The following CEP192 variants were observed in gnomAD, a reference collection of about 807,000 sequenced individuals.
CEP192 encodes centrosomal protein 192, also known as centrosomal protein of 192 kDa.
CEP192 carries 151 observed loss-of-function variants against 271.8 expected under a neutral mutation model. That is an observed-to-expected ratio of 0.56 (90% confidence interval 0.49 to 0.64). CEP192 has a LOEUF of 0.64. CEP192 is among the 30% of genes least tolerant of loss of function. CEP192 has a pLI of 0.00. For synonymous variants in CEP192, 995 were observed against 1,076.5 expected, an observed-to-expected ratio of 0.92 and a Z score of 1.48; for missense variants, 2,910 against 3,020.5, an observed-to-expected ratio of 0.96 and a Z score of 0.86.
chr18:13,066,367 G>A (rs1396005707), intron 21 of CEP192, among the ~76,000 whole-genome samples: 3 of 152,008 alleles, frequency 2.0e-5, no homozygotes, highest in Non-Finnish European at 4.4e-5. Context: ...CTAGTTCTTG[G>A]GTTACTAACG....
chr18:13,000,570 C>T (rs2033578610), intron 2 of CEP192: 1 of 152,222 alleles, frequency 6.6e-6, no homozygotes, highest in South Asian at 2.1e-4. Context: ...TCTTTCTCTT[C>T]CAGCTTTCAA....
rs928041980 is a variant in CEP192 at position 13,028,849 on chromosome 18, G to A, written c.1051-814G>A. 1.1e-4 allele frequency among the ~76,000 whole-genome samples: 16 copies of A among 152,168 alleles called. No individual in the cohort carries two copies. The South Asian group carries it at 2.9e-3, about 28-fold the overall frequency. On this transcript the variant is annotated intron_variant, in intron 9 of 44. Transcript: ENST00000506447. The stretch of plus-strand genomic sequence containing the variant: ...TGTTTATTTTTATATAATAATGTTG[G>A]CAAAGCACCCAGTTAATAAATGGTG...
chr18:12,998,568 C>T (rs899667645), intron 1 of CEP192, among the ~76,000 whole-genome samples: 8 of 152,166 alleles, frequency 5.3e-5, no homozygotes, highest in African/African-American at 1.9e-4. Context: ...AAATTTAATT[C>T]TTTTCCTTCT....
At chr18:13,070,902 A>T (rs2037976430) in intron 27 of CEP192, 137 bp from the exon 28 acceptor site, 1 of 656,328 alleles carries the variant, frequency 1.5e-6, no homozygotes, top group Non-Finnish European at 2.6e-6. Flanking sequence ...TATTCTCTGC[A>T]GCACAAGCTC....
rs757215208 is a variant in CEP192, at chr18:13,068,898, A to G, written c.4869A>G (p.Glu1623=). ...AATTCTCGGCAAAAGTTGATATCGA[A>G]GTTGACAGCCCAAACCCTACGCCCG... ...AEEFSAKVDI[E]VDSPNPTPVL... Residue 1623 remains glutamate, a synonymous_variant, in exon 25 of 45, where the codon GAA becomes GAG. Coordinates refer to ENST00000506447, the MANE Select transcript of CEP192 (RefSeq NM_032142.4). 17 of 1,614,182 alleles carry G rather than the reference A, an allele frequency of 1.1e-5. No individual in the cohort carries two copies. The South Asian group carries it at 1.5e-4, about 15-fold the overall frequency.
intron 30 of CEP192, among the ~76,000 whole-genome samples, chr18:13,085,534 C>T (rs927500743): frequency 2.0e-5 from 3 of 152,124 alleles, no homozygotes; most frequent in East Asian, 1.9e-4. Flanking sequence ...TTATGTCTTA[C>T]GTTTAAGTCT....
intron 44 of CEP192, among the ~76,000 whole-genome samples, chr18:13,120,616 C>A (rs776442769): frequency 6.6e-6 from 1 of 152,156 alleles, no homozygotes; most frequent in Non-Finnish European, 1.5e-5. Flanking sequence ...ATATTTAAAT[C>A]TTTTAAAACT....
chr18:13,067,448 C>T (rs2037770721), intron 21 of CEP192, among the ~76,000 whole-genome samples: 1 of 152,142 alleles, frequency 6.6e-6, no homozygotes, highest in Non-Finnish European at 1.5e-5. Context: ...ACCATTTTAA[C>T]ATTTGCAGAT....
At chr18:13,106,503 A>G (rs926445258) in intron 40 of CEP192, among the ~76,000 whole-genome samples, 9 of 145,510 alleles carry the variant, frequency 6.2e-5, no homozygotes, top group Non-Finnish European at 1.3e-4. Flanking sequence ...TGCCATCACC[A>G]TTTCCTACCA....
At chr18:13,055,500 T>G (rs993771401) in intron 18 of CEP192, among the ~76,000 whole-genome samples, 2 of 152,226 alleles carry the variant, frequency 1.3e-5, no homozygotes, top group Admixed American at 1.3e-4. Flanking sequence ...GTTACTAGAC[T>G]CTGGTCGTTT....
intron 4 of CEP192, among the ~76,000 whole-genome samples, chr18:13,011,910 A>G (rs941173576): frequency 2.2e-4 from 33 of 152,248 alleles, no homozygotes; most frequent in African/African-American, 7.7e-4. Flanking sequence ...ATGTTAATCA[A>G]CTGATGAATG....
At chr18:13,110,489 A>T (rs2040160982) in intron 40 of CEP192, among the ~76,000 whole-genome samples, 1 of 152,078 alleles carries the variant, frequency 6.6e-6, no homozygotes, top group African/African-American at 2.4e-5. Flanking sequence ...AATATTTTTC[A>T]ACAAATAGTG....
In CEP192 at chr18:13,090,732, T is replaced by C. The variant is rs977707962; in HGVS notation, c.6103+1167T>C. Among the ~76,000 whole-genome samples the C allele has an allele frequency of 2.0e-5, 3 of 151,776 alleles. No individual in the cohort carries two copies. The East Asian group carries it at 5.8e-4, about 29-fold the overall frequency. On this transcript the variant is annotated intron_variant, in intron 33 of 44. Transcript: ENST00000506447. ...AAGGAAAAAAACCTTGGACTTGGAGTTGAAACTGAAGACCCATCTGTCCCA... is the reference window on the plus strand; with the variant it reads ...AAGGAAAAAAACCTTGGACTTGGAGCTGAAACTGAAGACCCATCTGTCCCA...
At chr18:13,091,767 C>T (rs2039158091) in intron 33 of CEP192, among the ~76,000 whole-genome samples, 1 of 151,956 alleles carries the variant, frequency 6.6e-6, no homozygotes. Context: ...AGATGTTTAT[C>T]TTGAACACTC....
intron 44 of CEP192, among the ~76,000 whole-genome samples, chr18:13,122,597 TGAAA>T (rs1168538949): frequency 2.0e-5 from 3 of 151,820 alleles, no homozygotes; most frequent in Non-Finnish European, 4.4e-5. Flanking sequence ...AAAAATGTTT[TGAAA>T]GGAAGGAAGG....
intron 38 of CEP192, 21 bp from the exon 39 acceptor site, chr18:13,103,488 T>C (rs1426935613): frequency 1.3e-6 from 2 of 1,597,184 alleles, no homozygotes; most frequent in South Asian, 2.2e-5. Flanking sequence ...GTTTGAGTTA[T>C]GATATATGTG....
chr18:13,078,058 T>G (rs897874799), intron 30 of CEP192, among the ~76,000 whole-genome samples: 1 of 152,184 alleles, frequency 6.6e-6, no homozygotes, highest in Non-Finnish European at 1.5e-5. Flanking sequence ...CTACATTAGG[T>G]ATTTCTCCTA....
At position 13,095,582 on chromosome 18, in the gene CEP192, C is replaced by G; in HGVS notation, c.6334C>G (p.Leu2112Val). 6.2e-7 allele frequency: 1 copy of G among 1,614,206 alleles called. No individual in the cohort carries two copies. Among genetic ancestry groups the G allele is most frequent in the South Asian group, 1.1e-5 (1 of 91,088 alleles). ...LPVKGPQGSP[L>V]LSRAARPPLD... ...AGTCAAAGGTCCTCAGGGTTCTCCT[C>G]TTCTCTCACGGGCGGCTCGCCCGCC... The change falls in exon 35 of 45, where the codon CTT becomes GTT. Residue 2112 changes from leucine to valine, a missense_variant. Physicochemically the swap from Leu to Val is conservative, Grantham distance 32. Transcript: ENST00000506447.
chr18:13,071,264 A>G, intron 28 of CEP192, 52 bp downstream of exon 28: 1 of 1,479,736 alleles, frequency 6.8e-7, no homozygotes, highest in Non-Finnish European at 9.3e-7. Context: ...ATTTTGGAGC[A>G]GACTACAAAT....
Sources: allele counts gnomAD v4.1 joint callset (sites outside exome capture counted in the v4.1 genomes callset), GRCh38; gene constraint gnomAD v4.1.1; transcripts MANE v1.5; gene names NCBI Gene and HGNC (gene_info 2026-07-23, HGNC 2026-07-21).